Variants in ZNF354B observed in about 807,000 individuals in gnomAD.
ZNF354B encodes zinc finger protein 354B.
Under a neutral mutation model 12.9 loss-of-function variants are expected in ZNF354B, and 10 were observed. That is an observed-to-expected ratio of 0.77 (90% CI 0.48 to 1.31). The LOEUF (loss-of-function observed/expected upper bound fraction) is 1.31. Ranked by LOEUF, ZNF354B falls within the 40% of genes most tolerant of loss-of-function variation. The probability of loss-of-function intolerance (pLI) is 0.00; values close to 1 mark genes in which losing one functional copy is unlikely to be tolerated. For missense variants in ZNF354B, 614 were observed against 711.7 expected (o/e 0.86, Z 1.56); for synonymous variants, 260 against 243.7 (o/e 1.07, Z -0.62).
rs1757474548 is a variant in ZNF354B, at chr5:178,867,130, A to C, written c.256+59A>C. On this transcript the variant is annotated intron_variant, in intron 4 of 4. Transcript: ENST00000322434. Reference sequence around the variant, plus strand: ...CGCAGACAATGGTCTGGTTAATGAGAGGAGGTAGGAACATTGGTTGGGAAA... The same window carrying C: ...CGCAGACAATGGTCTGGTTAATGAGCGGAGGTAGGAACATTGGTTGGGAAA... The C allele has an allele frequency of 2.2e-5, 33 of 1,477,550 alleles. 1 individual carries two copies. In the South Asian group the frequency reaches 3.8e-4, roughly 17 times the overall value. The allele number at this position is 1,477,550 out of a possible 1,614,324, so 91.5% of individuals were successfully genotyped here. A position where few individuals can be genotyped will look rare whatever the true frequency, so the allele number is the denominator to read the frequency against.
At chr5:178,876,650 A>G (rs997838211) in intron 4 of ZNF354B, among the ~76,000 whole-genome samples, 3 of 152,164 alleles carry the variant, frequency 2.0e-5, no homozygotes, top group African/African-American at 4.8e-5. Context: ...GATTTTTCCT[A>G]TGGCCCGCTT....
rs760911881 is a variant in ZNF354B, at chr5:178,883,356, G to A, written c.904G>A (p.Glu302Lys). The change falls in exon 5 of 5, where the codon GAA (glutamate) becomes AAA (lysine). Residue 302 changes from glutamate (E) to lysine (K), a missense_variant. Transcript: ENST00000322434. ...TGTGGAGAAATGCTATAGATGTAAAGAATGTGGTAAATCCTTCAGTCGAAG... is the reference window on the plus strand; with the variant it reads ...TGTGGAGAAATGCTATAGATGTAAAAAATGTGGTAAATCCTTCAGTCGAAG... ...HTVEKCYRCKECGKSFSRRSG... is the reference protein window; with the variant it reads ...HTVEKCYRCKKCGKSFSRRSG... 1.2e-6 allele frequency: 2 copies of A among 1,613,960 alleles called. No individual in the cohort carries two copies. Among genetic ancestry groups the A allele is most frequent in the African/African-American group, 1.3e-5 (1 of 74,904 alleles).
intron 2 of ZNF354B, among the ~76,000 whole-genome samples, chr5:178,864,211 C>T (rs939037634): frequency 6.6e-6 from 1 of 152,322 alleles, no homozygotes; most frequent in East Asian, 1.9e-4. Flanking sequence ...GGCAAGAGCC[C>T]TATACAGGTG....
intron 4 of ZNF354B, among the ~76,000 whole-genome samples, chr5:178,873,064 A>G (rs544006115): frequency 2.0e-5 from 3 of 152,304 alleles, no homozygotes; most frequent in South Asian, 4.1e-4. Context: ...CTGGGCTTAC[A>G]GGCGTGAGTC....
chr5:178,866,644 C>T (rs893291479), intron 3 of ZNF354B, among the ~76,000 whole-genome samples: 2 of 152,158 alleles, frequency 1.3e-5, no homozygotes, highest in African/African-American at 4.8e-5. Flanking sequence ...CATTTTCCTG[C>T]TTTGGTTGTT....
intron 4 of ZNF354B, among the ~76,000 whole-genome samples, chr5:178,872,600 C>T (rs892876393): frequency 6.6e-5 from 10 of 152,142 alleles, no homozygotes; most frequent in Admixed American, 3.9e-4. Flanking sequence ...TTACATTTCA[C>T]CAGTAGCATG....
intron 4 of ZNF354B, among the ~76,000 whole-genome samples, chr5:178,881,406 C>T (rs1757716258): frequency 6.6e-6 from 1 of 152,142 alleles, no homozygotes; most frequent in Non-Finnish European, 1.5e-5. Context: ...TTATCTGTAT[C>T]TTGTCTTAAT....
At chr5:178,879,487 C>T (rs943547571) in intron 4 of ZNF354B, among the ~76,000 whole-genome samples, 1 of 151,898 alleles carries the variant, frequency 6.6e-6, no homozygotes, top group African/African-American at 2.4e-5. Context: ...TCAAGCCATT[C>T]TCCCGTCTCA....
intron 2 of ZNF354B, among the ~76,000 whole-genome samples, chr5:178,862,495 T>TAGCTAGGA (rs1452237377): frequency 5.9e-5 from 9 of 151,398 alleles, no homozygotes; most frequent in Non-Finnish European, 1.2e-4. Flanking sequence ...GCCTCCTGAG[T>TAGCTAGGA]AGCTAGGACT....
chr5:178,879,824 A>G (rs1005214538), intron 4 of ZNF354B, among the ~76,000 whole-genome samples: 3 of 152,234 alleles, frequency 2.0e-5, no homozygotes, highest in Non-Finnish European at 4.4e-5. Context: ...AAGTTCGAGT[A>G]TATATAAAAG....
chr5:178,865,577 A>G (rs1274619872), intron 2 of ZNF354B, among the ~76,000 whole-genome samples: 1 of 151,258 alleles, frequency 6.6e-6, no homozygotes, highest in Admixed American at 6.6e-5. Flanking sequence ...AACTTTAAAC[A>G]AATTGCTTCG....
intron 1 of ZNF354B, among the ~76,000 whole-genome samples, chr5:178,860,528 A>C (rs1326636002): frequency 1.3e-5 from 2 of 151,984 alleles, no homozygotes; most frequent in East Asian, 3.9e-4. Context: ...TTTTCCGTGG[A>C]GTCGGGAGAC....
chr5:178,860,196 G>T (rs530360094), intron 1 of ZNF354B, 69 bp downstream of exon 1: 2 of 152,352 alleles, frequency 1.3e-5, no homozygotes, highest in African/African-American at 4.8e-5. Context: ...AGGCCGCGGG[G>T]CTCCGAGGGC....
chr5:178,872,088 C>T (rs1757571972), intron 4 of ZNF354B, among the ~76,000 whole-genome samples: 1 of 152,164 alleles, frequency 6.6e-6, no homozygotes, highest in Non-Finnish European at 1.5e-5. Flanking sequence ...AGAGATCCCT[C>T]CTGGTATCCG....
At chr5:178,874,333 C>T (rs1441666590) in intron 4 of ZNF354B, among the ~76,000 whole-genome samples, 1 of 152,206 alleles carries the variant, frequency 6.6e-6, no homozygotes, top group Non-Finnish European at 1.5e-5. Context: ...CTGAAATGTG[C>T]TTTCCAAGTT....
chr5:178,866,472 G>T (rs1757458843), intron 3 of ZNF354B, 102 bp downstream of exon 3: 9 of 1,495,678 alleles, frequency 6.0e-6, no homozygotes, highest in Non-Finnish European at 8.1e-6. Context: ...TTTGAGCTCA[G>T]TTTGAGGATT....
chr5:178,860,924 C>A, intron 1 of ZNF354B, 73 bp from the exon 2 acceptor site: 1 of 542,306 alleles, frequency 1.8e-6, no homozygotes, highest in Non-Finnish European at 3.3e-6. Context: ...CAGCGGGAGT[C>A]GGGGTTTTAG....
Position 178,867,761 on chromosome 5 carries a change from AAGGTT to A in ZNF354B, c.256+694_256+698del, listed in dbSNP as rs372394788. Among the ~76,000 whole-genome samples, 238 of 152,306 alleles carry A rather than the reference AAGGTT, an allele frequency of 1.6e-3. 1 individual carries two copies. Among genetic ancestry groups the A allele is most frequent in the African/African-American group, 5.6e-3 (233 of 41,556 alleles). ...TGTAATGTGCACATAAGCAGAGAGA[AAGGTT>A]AGGAGGACACACCTTAGCTGGTGAC... is the stretch of plus-strand genomic sequence containing the variant. On this transcript the variant is annotated intron_variant, in intron 4 of 4. Transcript: ENST00000322434.
At chr5:178,876,294 C>T (rs1757637034) in intron 4 of ZNF354B, among the ~76,000 whole-genome samples, 1 of 152,186 alleles carries the variant, frequency 6.6e-6, no homozygotes, top group Admixed American at 6.5e-5. Flanking sequence ...AACAGTCTGG[C>T]CGCGTTTTGT....
Sources: allele counts gnomAD v4.1 joint callset (sites outside exome capture counted in the v4.1 genomes callset), GRCh38; gene constraint gnomAD v4.1.1; transcripts MANE v1.5; gene names NCBI Gene and HGNC (gene_info 2026-07-23, HGNC 2026-07-21).